The following LRP6 variants were observed in gnomAD, a reference collection of about 807,000 sequenced individuals.
LRP6 encodes LDL receptor related protein 6, also known as low-density lipoprotein receptor-related protein 6.
Under a neutral mutation model 184.1 loss-of-function variants are expected in LRP6, and 43 were observed. The observed-to-expected ratio is 0.23, with a 90% CI of 0.18 to 0.30. The LOEUF (loss-of-function observed/expected upper bound fraction) is 0.30, where lower values mean the gene tolerates loss of function less well. LRP6 is among the 10% of genes least tolerant of loss of function. The probability of loss-of-function intolerance (pLI) is 1.00; values close to 1 mark genes in which losing one functional copy is unlikely to be tolerated. For missense variants in LRP6, 1,571 were observed against 2,005.3 expected (o/e 0.78, Z 4.14); for synonymous variants, 719 against 684.9 (o/e 1.05, Z -0.78).
rs1863190465 is a variant in LRP6 at position 12,176,651 on chromosome 12, A to C, written c.1545+3159T>G. ...CACCACTTACAAAAGAGGAAGTGAG[A>C]AGCTGATCTAAAGAATTTCCACTAA... is the stretch of plus-strand genomic sequence containing the variant. On this transcript the variant is annotated intron_variant, in intron 7 of 22. Transcript: ENST00000261349. Among the ~76,000 whole-genome samples, 4 of 152,154 alleles carry C rather than the reference A, an allele frequency of 2.6e-5. No individual in the cohort carries two copies. In the South Asian group the frequency reaches 8.3e-4, roughly 32 times the overall value.
At chr12:12,147,101 A>G (rs184381494) in intron 15 of LRP6, among the ~76,000 whole-genome samples, 1 of 152,254 alleles carries the variant, frequency 6.6e-6, no homozygotes, top group East Asian at 1.9e-4. Context: ...AGCCTGGGCG[A>G]TAAAGCAAGA....
At chr12:12,151,611 G>C (rs184578201) in intron 12 of LRP6, among the ~76,000 whole-genome samples, 17 of 152,176 alleles carry the variant, frequency 1.1e-4, no homozygotes, top group Admixed American at 3.3e-4. Flanking sequence ...CTCTCACTGA[G>C]TTGCTACAAG....
intron 15 of LRP6, 72 bp downstream of exon 15, chr12:12,147,294 T>G (rs1950022188): frequency 1.3e-6 from 2 of 1,528,268 alleles, no homozygotes; most frequent in African/African-American, 1.4e-5. Flanking sequence ...AACAATACGA[T>G]GCAAGAAAAA....
chr12:12,219,371 A>C (rs1381079530), intron 2 of LRP6, among the ~76,000 whole-genome samples: 2 of 152,042 alleles, frequency 1.3e-5, no homozygotes, highest in East Asian at 3.9e-4. Flanking sequence ...ACGCCTGGCT[A>C]ATTTTTGTAT....
intron 2 of LRP6, among the ~76,000 whole-genome samples, chr12:12,240,412 A>C (rs1457582549): frequency 2.0e-5 from 3 of 152,174 alleles, no homozygotes; most frequent in Middle Eastern, 3.4e-3. Context: ...CTCTACTAAA[A>C]ATACAAAAAA....
intron 17 of LRP6, 49 bp downstream of exon 17, chr12:12,135,126 G>A (rs1949814972): frequency 1.2e-6 from 2 of 1,611,962 alleles, no homozygotes; most frequent in Admixed American, 1.7e-5. Flanking sequence ...CTTAAGATAT[G>A]GAATATGTTT....
chr12:12,152,555 G>T (rs1207603475), intron 12 of LRP6, among the ~76,000 whole-genome samples: 1 of 152,152 alleles, frequency 6.6e-6, no homozygotes, highest in African/African-American at 2.4e-5. Context: ...AAAGTGCTGG[G>T]TTTGCAGATG....
chr12:12,155,387 C>G, intron 12 of LRP6: 1 of 792,228 alleles, frequency 1.3e-6, no homozygotes, highest in Non-Finnish European at 2.3e-6. Context: ...TTGTAGACAT[C>G]AAGGGAATGG....
At chr12:12,255,706 G>A (rs961128376) in intron 1 of LRP6, among the ~76,000 whole-genome samples, 1 of 151,648 alleles carries the variant, frequency 6.6e-6, no homozygotes, top group African/African-American at 2.4e-5. Flanking sequence ...AAGCAGCTGG[G>A]ATTATAGGCA....
intron 17 of LRP6, 63 bp downstream of exon 17, chr12:12,135,112 T>C: frequency 6.2e-7 from 1 of 1,610,696 alleles, no homozygotes; most frequent in East Asian, 2.2e-5. Flanking sequence ...CATAGAAGTC[T>C]AGGCTTAAGA....
rs190191558 is a variant in LRP6 at position 12,261,206 on chromosome 12, A to G, written c.55+5475T>C. On this transcript the variant is annotated intron_variant, in intron 1 of 22. Coordinates refer to ENST00000261349, the MANE Select transcript of LRP6 (RefSeq NM_002336.3). Reference sequence around the variant, plus strand: ...GAGGCCGAGGCGGGCGGATCACGAGATCAGGAGATCGAGACCATCCTGGCT... The same window carrying G: ...GAGGCCGAGGCGGGCGGATCACGAGGTCAGGAGATCGAGACCATCCTGGCT... 8.2e-3 allele frequency among the ~76,000 whole-genome samples: 1,251 copies of G among 152,090 alleles called. 23 individuals carry two copies. Among genetic ancestry groups the G allele is most frequent in the African/African-American group, 0.029 (1,210 of 41,478 alleles).
intron 4 of LRP6, among the ~76,000 whole-genome samples, chr12:12,186,420 C>T (rs1213666122): frequency 6.6e-6 from 1 of 152,114 alleles, no homozygotes; most frequent in South Asian, 2.1e-4. Context: ...GCTCTGTTGC[C>T]CAGGCTGGAG....
chr12:12,162,026 T>A (rs1221463432), intron 10 of LRP6, among the ~76,000 whole-genome samples, 167 bp downstream of exon 10: 2 of 150,164 alleles, frequency 1.3e-5, no homozygotes, highest in Non-Finnish European at 3.0e-5. Context: ...TAATTATTCA[T>A]TCAAATCAGC....
intron 2 of LRP6, among the ~76,000 whole-genome samples, chr12:12,228,427 G>C (rs1409195063): frequency 6.6e-6 from 1 of 152,150 alleles, no homozygotes; most frequent in East Asian, 1.9e-4. Context: ...GTAACAAGTA[G>C]ATGTCTTCAG....
At chr12:12,142,208 C>T (rs915101557) in intron 15 of LRP6, among the ~76,000 whole-genome samples, 2 of 152,078 alleles carry the variant, frequency 1.3e-5, no homozygotes, top group Non-Finnish European at 2.9e-5. Context: ...ATAATATTTA[C>T]ATGTATTACT....
intron 12 of LRP6, among the ~76,000 whole-genome samples, chr12:12,152,770 T>A (rs959753638): frequency 1.3e-5 from 2 of 152,246 alleles, no homozygotes; most frequent in Admixed American, 1.3e-4. Flanking sequence ...CCACGACTCC[T>A]TGCTTTATTT....
At chr12:12,252,608 G>C (rs1313798042) in intron 1 of LRP6, among the ~76,000 whole-genome samples, 1 of 152,110 alleles carries the variant, frequency 6.6e-6, no homozygotes, top group Non-Finnish European at 1.5e-5. Flanking sequence ...CCTGGTATTA[G>C]ACAACAGTAT....
Position 12,130,835 on chromosome 12 carries a change from C to T in LRP6, c.4029G>A (p.Lys1343=). Residue 1343 remains lysine (K), a synonymous_variant, in exon 19 of 23, where the codon AAG becomes AAA. Transcript: ENST00000261349. ...CANGQCIGKH[K]KCDHNVDCSD... ...TGCAATCCACATTATGATCACACTTCTTGTGCTTTCCAATGCACTGACCAT... is the reference window on the plus strand; with the variant it reads ...TGCAATCCACATTATGATCACACTTTTTGTGCTTTCCAATGCACTGACCAT... 1.2e-6 allele frequency: 2 copies of T among 1,613,946 alleles called. No individual in the cohort carries two copies. Among genetic ancestry groups the T allele is most frequent in the East Asian group, 2.2e-5 (1 of 44,862 alleles).
rs567315765 is a variant in LRP6 at position 12,119,987 on chromosome 12, C to CAAACAAACAAACAAACAAAAA, written c.*1138_*1139insTTTTTGTTTGTTTGTTTGTTT. On this transcript the variant is annotated 3_prime_UTR_variant, in exon 23 of 23. Transcript: ENST00000261349. Reference sequence around the variant, plus strand: ...TTTACTCAGAAAACAAACAAACAAACAAAATATATATATATATATATATAT... The same window carrying CAAACAAACAAACAAACAAAAA: ...TTTACTCAGAAAACAAACAAACAAACAAACAAACAAACAAACAAAAAAAAATATATATATATATATATATAT... 2.3e-5 allele frequency: 1 copy of CAAACAAACAAACAAACAAAAA among 42,932 alleles called. No individual in the cohort carries two copies. The highest frequency in any genetic ancestry group is 4.5e-5 in the Non-Finnish European group (1 of 22,136). 2.7% of individuals were successfully genotyped at this position (42,932 alleles called of 1,614,324 possible). A position where few individuals can be genotyped will look rare whatever the true frequency, so the allele number is the denominator to read the frequency against.
Sources: allele counts gnomAD v4.1 joint callset (sites outside exome capture counted in the v4.1 genomes callset), GRCh38; gene constraint gnomAD v4.1.1; transcripts MANE v1.5; gene names NCBI Gene and HGNC (gene_info 2026-07-23, HGNC 2026-07-21).